Variants in PADI3 observed in about 807,000 individuals in gnomAD.
PADI3 encodes the protein peptidyl arginine deiminase 3, also known as protein-arginine deiminase type-3.
A neutral mutation model predicts 71.5 loss-of-function variants in PADI3; 53 were observed. That is an observed-to-expected ratio of 0.74 (90% CI 0.59 to 0.93). The LOEUF (loss-of-function observed/expected upper bound fraction) is 0.93, where lower values mean the gene tolerates loss of function less well. PADI3 is among the 40% of genes least tolerant of loss of function. The pLI, the probability that PADI3 is intolerant of heterozygous loss-of-function variation, is 0.00. For missense variants in PADI3, 821 were observed against 868.0 expected, an observed-to-expected ratio of 0.95 and a Z score of 0.68; for synonymous variants, 361 against 347.5, an observed-to-expected ratio of 1.04 and a Z score of -0.43.
intron 1 of PADI3, among the ~76,000 whole-genome samples, chr1:17,253,325 C>T (rs1442463559): frequency 2.0e-5 from 3 of 152,304 alleles, no homozygotes; most frequent in Admixed American, 6.5e-5. Flanking sequence ...AGGGGCCCAG[C>T]GCACACAGCA....
At chr1:17,276,910 T>C (rs570667008) in intron 13 of PADI3, 34 bp downstream of exon 13, 1 of 1,548,366 alleles carries the variant, frequency 6.5e-7, no homozygotes, top group South Asian at 1.2e-5. Context: ...CCTTGCGGCT[T>C]GCCTGCCCCT....
intron 6 of PADI3, among the ~76,000 whole-genome samples, chr1:17,268,756 C>T (rs1221093021): frequency 6.6e-6 from 1 of 152,058 alleles, no homozygotes; most frequent in Non-Finnish European, 1.5e-5. Flanking sequence ...ATCTGCCCGC[C>T]TCGGCCTCCC....
intron 15 of PADI3, among the ~76,000 whole-genome samples, chr1:17,282,445 A>G (rs752608143): frequency 6.6e-6 from 1 of 152,170 alleles, no homozygotes; most frequent in Non-Finnish European, 1.5e-5. Context: ...TGACACGGGC[A>G]GAGACCAACT....
At position 17,280,663 on chromosome 1, in the gene PADI3, G is replaced by T; in HGVS notation, c.1636-8G>T. 1 of 1,614,092 alleles carries T rather than the reference G, an allele frequency of 6.2e-7. No individual in the cohort carries two copies. The highest frequency in any genetic ancestry group is 8.5e-7 in the Non-Finnish European group (1 of 1,179,996). On this transcript the variant is annotated splice_polypyrimidine_tract_variant and splice_region_variant and intron_variant, in intron 14 of 15. Coordinates refer to ENST00000375460, the MANE Select transcript of PADI3 (RefSeq NM_016233.2). ...GTGTCCCCAACTCTGGCCCTCCCCT[G>T]CCCCCAGAGCTGCATCGACTGGAAC... is the stretch of plus-strand genomic sequence containing the variant.
rs991993389 is a variant in PADI3 at position 17,273,322 on chromosome 1, G to A, written c.1048-18G>A. ...TGACTGTCACAGCTGTGCGTCTCTC[G>A]CCTCTCCTCACTTGCAGGATGAGAT... On this transcript the variant is annotated intron_variant, in intron 9 of 15. Coordinates refer to ENST00000375460, the MANE Select transcript of PADI3 (RefSeq NM_016233.2). 2.8e-5 allele frequency: 45 copies of A among 1,596,680 alleles called. No homozygotes were observed. The highest frequency in any genetic ancestry group is 3.6e-5 in the Non-Finnish European group (42 of 1,166,076).
At chr1:17,253,392 A>G (rs557062273) in intron 1 of PADI3, among the ~76,000 whole-genome samples, 12 of 152,294 alleles carry the variant, frequency 7.9e-5, no homozygotes, top group Non-Finnish European at 1.6e-4. Context: ...GGCAACCTTG[A>G]CCTGAGCGGG....
intron 6 of PADI3, 28 bp from the exon 7 acceptor site, chr1:17,270,205 C>T (rs563877169): frequency 6.3e-7 from 1 of 1,589,500 alleles, no homozygotes; most frequent in East Asian, 2.2e-5. Context: ...CACAGGGAGT[C>T]ACAGCCACCC....
chr1:17,252,688 G>T (rs2072981155), intron 1 of PADI3, among the ~76,000 whole-genome samples: 1 of 152,230 alleles, frequency 6.6e-6, no homozygotes, highest in Non-Finnish European at 1.5e-5. Flanking sequence ...ACAGGTGAGA[G>T]CCACCGTGTC....
rs767469285 is a variant in PADI3, at chr1:17,262,145, T to C, written c.286T>C (p.Tyr96His). 1.9e-5 allele frequency: 31 copies of C among 1,613,682 alleles called. No individual in the cohort carries two copies. In the South Asian group the frequency reaches 2.4e-4, roughly 13 times the overall value. Residue 96 changes from tyrosine to histidine, a missense_variant, in exon 3 of 16, where the codon TAC becomes CAC. Physicochemically the swap from Tyr to His is moderately conservative, Grantham distance 83. Transcript: ENST00000375460. ...DLNDSHVQIS[Y>H]HSSHEPLPLA... ...CAACTCTCCACAGGTTCAGATTTCC[T>C]ACCACTCCAGCCATGAGCCTCTGCC...
intron 3 of PADI3, among the ~76,000 whole-genome samples, chr1:17,264,865 G>T (rs1447619100): frequency 9.2e-5 from 14 of 152,018 alleles, no homozygotes; most frequent in Non-Finnish European, 1.5e-5. Flanking sequence ...ACAAAAATTA[G>T]TTGGGCATGG....
rs2293916 is a variant in PADI3, at chr1:17,271,160, C to T, written c.1029C>T (p.Arg343=). Residue 343 remains arginine (R), a synonymous_variant, in exon 9 of 16, where the codon CGC becomes CGT. Transcript: ENST00000375460. ...CCATCTGCCCACAGGCCGAGAACCG[C>T]AACGACCGCTGGATCCAGGTAACCA... ...KLTICPQAEN[R]NDRWIQDEME... is the part of the protein sequence containing the mutation. The T allele has an allele frequency of 0.11, 170,241 of 1,612,400 alleles. 9,177 individuals carry two copies. The highest frequency in any genetic ancestry group is 0.17 in the South Asian group (15,358 of 91,030).
intron 6 of PADI3, among the ~76,000 whole-genome samples, chr1:17,268,763 T>C (rs541011153): frequency 1.4e-4 from 21 of 152,162 alleles, no homozygotes; most frequent in Middle Eastern, 3.4e-3. Context: ...CGCCTCGGCC[T>C]CCCAAAGTGC....
chr1:17,253,867 A>G (rs75791482), intron 1 of PADI3, among the ~76,000 whole-genome samples: 12,083 of 152,228 alleles, frequency 0.079, 575 homozygotes, highest in South Asian at 0.19. Context: ...CCTGGGCCTC[A>G]GTTTCCCCAT....
chr1:17,257,177 C>T (rs1359777606), intron 1 of PADI3, among the ~76,000 whole-genome samples: 2 of 152,086 alleles, frequency 1.3e-5, no homozygotes, highest in African/African-American at 2.4e-5. Flanking sequence ...TTCCGACTCC[C>T]TGTCTCTGAC....
At chr1:17,279,068 T>C (rs1004000804) in intron 13 of PADI3, among the ~76,000 whole-genome samples, 12 of 152,172 alleles carry the variant, frequency 7.9e-5, no homozygotes, top group African/African-American at 2.4e-4. Context: ...CCTTCATCTT[T>C]CCTGGGAGAA....
intron 13 of PADI3, among the ~76,000 whole-genome samples, chr1:17,279,174 C>A (rs990582514): frequency 6.6e-6 from 1 of 152,132 alleles, no homozygotes; most frequent in East Asian, 1.9e-4. Flanking sequence ...TGGCAGGCCA[C>A]AAGCAGCCAC....
At chr1:17,280,560 T>A in intron 14 of PADI3, 111 bp from the exon 15 acceptor site, 3 of 1,536,486 alleles carry the variant, frequency 2.0e-6, no homozygotes, top group Non-Finnish European at 2.7e-6. Context: ...GACAGAGGGG[T>A]CCCAACACCC....
At chr1:17,253,656 A>G (rs3003424) in intron 1 of PADI3, among the ~76,000 whole-genome samples, 72,784 of 151,994 alleles carry the variant, frequency 0.48, 17,724 homozygotes, top group South Asian at 0.56. Context: ...CATCTGTGAA[A>G]GGCCCCAGCA....
In PADI3 at chr1:17,280,694, G is replaced by A. The variant is rs778328210; in HGVS notation, c.1659G>A (p.Glu553=). The A allele has an allele frequency of 1.1e-5, 17 of 1,614,082 alleles. No homozygotes were observed. The highest frequency in any genetic ancestry group is 6.7e-5 in the Admixed American group (4 of 60,004). Residue 553 remains glutamate (E), a synonymous_variant, in exon 15 of 16, where the codon GAG becomes GAA. Transcript: ENST00000375460. ...AGAGCTGCATCGACTGGAACCGTGA[G>A]GTGCTGAAGCGGGAGCTGGGCCTGG... The part of the protein sequence containing the change: ...FVQSCIDWNR[E]VLKRELGLAE...
Sources: gnomAD v4.1 joint callset for allele counts (sites outside exome capture counted in the v4.1 genomes callset) on GRCh38, gnomAD v4.1.1 for gene constraint, MANE v1.5 for transcripts, NCBI Gene and HGNC (gene_info 2026-07-23, HGNC 2026-07-21) for gene names.